DDX42: variants seen among roughly 807,000 people sequenced by gnomAD.
DDX42 encodes ATP-dependent RNA helicase DDX42.
Under a neutral mutation model 101.5 loss-of-function variants are expected in DDX42, and 22 were observed. That is an observed-to-expected ratio of 0.22 (90% CI 0.15 to 0.31). The LOEUF (loss-of-function observed/expected upper bound fraction) is 0.31, where lower values mean the gene tolerates loss of function less well. DDX42 is among the 10% of genes least tolerant of loss of function. DDX42 has a pLI of 1.00. For missense variants in DDX42, 849 were observed against 1,199.9 expected (o/e 0.71, Z 4.32); for synonymous variants, 402 against 401.2 (o/e 1.00, Z -0.02).
intron 9 of DDX42, 56 bp from the exon 10 acceptor site, chr17:63,808,764 G>C: frequency 6.2e-7 from 1 of 1,601,070 alleles, no homozygotes; most frequent in Non-Finnish European, 8.5e-7. Flanking sequence ...CGTTTGGGTT[G>C]TGACAGGTAT....
chr17:63,779,844 C>A (rs1195403755), intron 1 of DDX42, among the ~76,000 whole-genome samples: 1 of 152,032 alleles, frequency 6.6e-6, no homozygotes, highest in East Asian at 1.9e-4. Flanking sequence ...TCCCAGAGTA[C>A]TGGGAATATA....
At chr17:63,801,324 G>A (rs1438970680) in intron 6 of DDX42, among the ~76,000 whole-genome samples, 2 of 151,970 alleles carry the variant, frequency 1.3e-5, no homozygotes, top group Non-Finnish European at 2.9e-5. Context: ...CAAAGCGCTG[G>A]GATTACAGGC....
intron 1 of DDX42, among the ~76,000 whole-genome samples, chr17:63,779,018 A>G (rs2144520127): frequency 6.6e-6 from 1 of 152,280 alleles, no homozygotes; most frequent in East Asian, 1.9e-4. Context: ...ATCAGTGGTT[A>G]TTGGTCAGTA....
chr17:63,784,992 C>T (rs1260415024), intron 1 of DDX42, among the ~76,000 whole-genome samples: 2 of 152,024 alleles, frequency 1.3e-5, no homozygotes, highest in Admixed American at 6.6e-5. Context: ...GAAGAAATCA[C>T]TAAGACAATA....
intron 6 of DDX42, among the ~76,000 whole-genome samples, chr17:63,801,582 T>G (rs774775451): frequency 6.6e-6 from 1 of 151,946 alleles, no homozygotes; most frequent in East Asian, 1.9e-4. Flanking sequence ...CAGGCTGGAG[T>G]GCAGTGGCGC....
At chr17:63,802,949 G>A (rs969309910) in intron 6 of DDX42, among the ~76,000 whole-genome samples, 3 of 151,352 alleles carry the variant, frequency 2.0e-5, no homozygotes, top group African/African-American at 7.3e-5. Context: ...GCAAAAATTA[G>A]AATTTGGAAA....
chr17:63,799,479 G>A lies in DDX42; in HGVS notation c.435-110G>A, dbSNP rs761562876. 3.5e-6 allele frequency: 4 copies of A among 1,135,574 alleles called. No homozygotes were observed. The South Asian group carries it at 5.8e-5, about 16-fold the overall frequency. 70.3% of individuals were successfully genotyped at this position (1,135,574 alleles called of 1,614,324 possible). On this transcript the variant is annotated intron_variant, in intron 4 of 17. Coordinates refer to ENST00000389924, the MANE Select transcript of DDX42 (RefSeq NM_203499.3). ...GCTCATTGCTGCTTTGTTATTATTA[G>A]TGTTGAGAGTTCCTGTGCTGTGTGG...
chr17:63,815,404 C>G (rs915969019), intron 15 of DDX42, among the ~76,000 whole-genome samples, 159 bp from the exon 16 acceptor site: 1 of 152,154 alleles, frequency 6.6e-6, no homozygotes, highest in Non-Finnish European at 1.5e-5. Context: ...CAAAGAGAAA[C>G]CAATCTGTGG....
chr17:63,801,956 C>T (rs867950571), intron 6 of DDX42, among the ~76,000 whole-genome samples: 1 of 152,206 alleles, frequency 6.6e-6, no homozygotes, highest in South Asian at 2.1e-4. Flanking sequence ...GATTCTAGAT[C>T]TGGAGCAGTG....
chr17:63,791,021 A>G (rs566971693), intron 2 of DDX42, among the ~76,000 whole-genome samples: 7 of 152,250 alleles, frequency 4.6e-5, no homozygotes, highest in Non-Finnish European at 8.8e-5. Flanking sequence ...ATATGTATGC[A>G]TGTGTGTATA....
At position 63,797,180 on chromosome 17, in the gene DDX42, C is replaced by T. The variant is rs1468440293; in HGVS notation, c.373-858C>T. On this transcript the variant is annotated intron_variant, in intron 3 of 17. Coordinates refer to ENST00000389924, the MANE Select transcript of DDX42 (RefSeq NM_203499.3). ...CAGCCTGACCAACATGGAGAAACCC[C>T]GTCTCTACTAAAAATACAAAATTAG... Among the ~76,000 whole-genome samples the T allele has an allele frequency of 5.3e-5, 8 of 151,952 alleles. No homozygotes were observed. The East Asian group carries it at 9.7e-4, about 18-fold the overall frequency.
chr17:63,817,937 G>A lies in DDX42; in HGVS notation c.2356G>A (p.Gly786Arg). The A allele has an allele frequency of 6.2e-7, 1 of 1,614,162 alleles. No individual in the cohort carries two copies. The highest frequency in any genetic ancestry group is 8.5e-7 in the Non-Finnish European group (1 of 1,180,026). Residue 786 changes from glycine (G) to arginine (R), a missense_variant, in exon 18 of 18, where the codon GGA becomes AGA. Around this residue, in one of 5 missense-constraint regions of DDX42, gnomAD observed 300 missense variants for 304.9 expected, o/e 0.98. Transcript: ENST00000389924. The stretch of plus-strand genomic sequence containing the variant: ...GACCTACCCGTCTGCCGGAGCCCAA[G>A]GAGTCAACAACACAGCTTCAGGGAA... Reference protein sequence around the residue: ...PVTYPSAGAQGVNNTASGNNS... With the variant: ...PVTYPSAGAQRVNNTASGNNS...
chr17:63,796,580 T>G (rs1016276727), intron 3 of DDX42, among the ~76,000 whole-genome samples: 19 of 152,242 alleles, frequency 1.2e-4, no homozygotes, highest in African/African-American at 4.3e-4. Context: ...CCTCCCAAGG[T>G]GCTGGGATTA....
At position 63,807,894 on chromosome 17, in the gene DDX42, C is replaced by T; in HGVS notation, c.1017C>T (p.Cys339=). The T allele has an allele frequency of 1.2e-6, 2 of 1,611,656 alleles. No homozygotes were observed. Among genetic ancestry groups the T allele is most frequent in the Middle Eastern group, 3.3e-4 (2 of 6,048 alleles). Reference sequence around the variant, plus strand: ...TTGTGTGTCCTACCAGGGAGCTTTGCCAGCAGGTATGTGCTTTCTATAGAA... The same window carrying T: ...TTGTGTGTCCTACCAGGGAGCTTTGTCAGCAGGTATGTGCTTTCTATAGAA... ...AVIVCPTREL[C]QQIHAECKRF... Residue 339 remains cysteine, a synonymous_variant, in exon 9 of 18, where the codon TGC becomes TGT. Coordinates refer to ENST00000389924, the MANE Select transcript of DDX42 (RefSeq NM_203499.3).
intron 3 of DDX42, among the ~76,000 whole-genome samples, chr17:63,794,919 G>C (rs1368041045): frequency 1.4e-5 from 2 of 144,814 alleles, no homozygotes; most frequent in South Asian, 2.2e-4. Context: ...CTGGGCAATA[G>C]AGTGAGACTC....
intron 14 of DDX42, among the ~76,000 whole-genome samples, chr17:63,812,978 T>C (rs1157182228): frequency 6.6e-6 from 1 of 152,124 alleles, no homozygotes; most frequent in Non-Finnish European, 1.5e-5. Context: ...TGAGCCGAGA[T>C]CATGGCACTG....
rs1330952590 is a variant in DDX42 at position 63,798,023 on chromosome 17, C to T, written c.373-15C>T. On this transcript the variant is annotated splice_polypyrimidine_tract_variant and intron_variant, in intron 3 of 17. Transcript: ENST00000389924. ...TTTAGTTGATGTCATTCTATACAGC[C>T]TTTTGTTTCATTAGGATCAGGCAGC... 6.8e-6 allele frequency: 11 copies of T among 1,606,200 alleles called. No individual in the cohort carries two copies. Among genetic ancestry groups the T allele is most frequent in the Non-Finnish European group, 9.3e-6 (11 of 1,176,844 alleles).
At chr17:63,799,736 G>A in intron 5 of DDX42, 111 bp downstream of exon 5, 22 of 1,097,004 alleles carry the variant, frequency 2.0e-5, no homozygotes, top group Non-Finnish European at 2.9e-5. Flanking sequence ...ATTCAGCAGG[G>A]AATGTCATTT....
At chr17:63,806,976 A>T (rs564692421) in intron 8 of DDX42, among the ~76,000 whole-genome samples, 1 of 152,322 alleles carries the variant, frequency 6.6e-6, no homozygotes, top group Admixed American at 6.5e-5. Flanking sequence ...CATTACTGAA[A>T]GTTTTAGCTT....
Sources: allele counts gnomAD v4.1 joint callset (sites outside exome capture counted in the v4.1 genomes callset), GRCh38; gene constraint gnomAD v4.1.1; regional missense constraint gnomAD v4.1.1; transcripts MANE v1.5; gene names NCBI Gene and HGNC (gene_info 2026-07-23, HGNC 2026-07-21).